PCDHGB5: variants seen among roughly 807,000 people sequenced by gnomAD.
PCDHGB5 encodes the protein protocadherin gamma-B5.
In PCDHGB5, 48 loss-of-function variants were observed where a neutral mutation model predicts 62.9. The observed-to-expected ratio is 0.76, with a 90% CI of 0.61 to 0.97. The LOEUF (loss-of-function observed/expected upper bound fraction) is 0.97, where lower values mean the gene tolerates loss of function less well. PCDHGB5 is among the 50% of genes least tolerant of loss of function. PCDHGB5 has a pLI of 0.00. For synonymous variants in PCDHGB5, 474 were observed against 511.2 expected, an observed-to-expected ratio of 0.93 and a Z score of 0.98; for missense variants, 1,118 against 1,198.6, an observed-to-expected ratio of 0.93 and a Z score of 0.99.
chr5:141,500,318 C>T (rs1005060282), intron 2 of PCDHGB5, among the ~76,000 whole-genome samples: 3 of 151,948 alleles, frequency 2.0e-5, no homozygotes, highest in African/African-American at 7.3e-5. Context: ...ACGCCATGCT[C>T]CTGCCTCAGC....
At chr5:141,408,636 C>A in intron 1 of PCDHGB5, 1 of 1,614,024 alleles carries the variant, frequency 6.2e-7, no homozygotes, top group Non-Finnish European at 8.5e-7. Flanking sequence ...ATTTTCGAAT[C>A]TGCATCCGCT....
chr5:141,486,017 A>C lies in PCDHGB5; in HGVS notation c.2398-8790A>C, dbSNP rs746747518. 1 of 1,614,176 alleles carries C rather than the reference A, an allele frequency of 6.2e-7. No homozygotes were observed. The highest frequency in any genetic ancestry group is 8.5e-7 in the Non-Finnish European group (1 of 1,180,038). ...CAGTGGTAACGTCACCTTTTATTTC[A>C]GTGGTCATACCCCTGATCGTGTAAG... On this transcript the variant is annotated intron_variant, in intron 1 of 3. Coordinates refer to ENST00000617380, the MANE Select transcript of PCDHGB5 (RefSeq NM_018925.3). This position sits in a 1 kb window ranked among gnomAD's most constrained non-coding sequence, Gnocchi z 5.0.
chr5:141,476,979 G>T lies in PCDHGB5; in HGVS notation c.2398-17828G>T. The T allele has an allele frequency of 1.2e-6, 2 of 1,614,238 alleles. No individual in the cohort carries two copies. The highest frequency in any genetic ancestry group is 1.7e-6 in the Non-Finnish European group (2 of 1,180,042). The stretch of plus-strand genomic sequence containing the variant: ...ATTTACTCCTTCGGCAGCCACAACC[G>T]CGCCGGCGTGCGGCAACTATTCGCC... On this transcript the variant is annotated intron_variant, in intron 1 of 3. Coordinates refer to ENST00000617380, the MANE Select transcript of PCDHGB5 (RefSeq NM_018925.3). This position sits in a 1 kb window ranked among gnomAD's most constrained non-coding sequence, Gnocchi z 7.6.
At chr5:141,405,169 CTT>C (rs1561698717) in intron 1 of PCDHGB5, 2 of 1,614,122 alleles carry the variant, frequency 1.2e-6, no homozygotes, top group Non-Finnish European at 1.7e-6. Flanking sequence ...CCACCTCACA[CTT>C]TGTGGGTGTA....
intron 2 of PCDHGB5, among the ~76,000 whole-genome samples, chr5:141,498,976 GGAAGGAAGGAAGGAA>G (rs1562186940): frequency 1.5e-4 from 2 of 13,010 alleles, no homozygotes; most frequent in Admixed American, 2.9e-3. Context: ...AGGGAGGGAA[GGAAGGAAGGAAGGAA>G]GGAAGGAAGG....
Position 141,491,797 on chromosome 5 carries a change from G to C in PCDHGB5, c.2398-3010G>C, listed in dbSNP as rs537755017. The C allele has an allele frequency of 7.9e-5, 119 of 1,506,700 alleles. No homozygotes were observed. In the Admixed American group the frequency reaches 1.4e-3, roughly 18 times the overall value. 93.3% of individuals were successfully genotyped at this position (1,506,700 alleles called of 1,614,324 possible). On this transcript the variant is annotated intron_variant, in intron 1 of 3. Coordinates refer to ENST00000617380, the MANE Select transcript of PCDHGB5 (RefSeq NM_018925.3). The surrounding 1 kb of genome is among the most constrained non-coding windows in gnomAD (Gnocchi z 6.9). The stretch of plus-strand genomic sequence containing the variant: ...ATTGAACTTGCATCCACTCCTCTCC[G>C]GCCGGCTTGGTCGCTGGCTGCGCTC...
chr5:141,428,111 C>G (rs760446304), intron 1 of PCDHGB5: 2 of 1,607,622 alleles, frequency 1.2e-6, no homozygotes, highest in Non-Finnish European at 1.7e-6. Context: ...TGCTGCAGGC[C>G]ATCGAGCCCG....
chr5:141,491,861 C>A lies in PCDHGB5; in HGVS notation c.2398-2946C>A. ...GGATCATTGGACCGTTTGCGCGAAA[C>A]CAGAGTGGCCGATTAAGGGATGGGG... On this transcript the variant is annotated intron_variant, in intron 1 of 3. Transcript: ENST00000617380. The surrounding 1 kb of genome is among the most constrained non-coding windows in gnomAD (Gnocchi z 6.9). 6.9e-7 allele frequency: 1 copy of A among 1,455,272 alleles called. No homozygotes were observed. The highest frequency in any genetic ancestry group is 9.1e-7 in the Non-Finnish European group (1 of 1,100,930). The allele number at this position is 1,455,272 out of a possible 1,614,324, so 90.1% of individuals were successfully genotyped here.
At chr5:141,507,785 C>T (rs1203302886) in intron 3 of PCDHGB5, among the ~76,000 whole-genome samples, 1 of 152,222 alleles carries the variant, frequency 6.6e-6, no homozygotes, top group African/African-American at 2.4e-5. Context: ...GCCTGACCCT[C>T]GTCTAAGCCT....
intron 1 of PCDHGB5, among the ~76,000 whole-genome samples, chr5:141,463,191 C>T (rs2099054821): frequency 6.6e-6 from 1 of 152,100 alleles, no homozygotes; most frequent in Non-Finnish European, 1.5e-5. Flanking sequence ...TATTATTTAG[C>T]CAAAGACTTG....
chr5:141,495,982 T>C (rs2099765062), intron 2 of PCDHGB5, among the ~76,000 whole-genome samples: 2 of 152,144 alleles, frequency 1.3e-5, no homozygotes. Context: ...TACTCTTTCT[T>C]TATCTCTCTT....
rs182682202 is a variant in PCDHGB5 at position 141,445,418 on chromosome 5, T to A, written c.2397+44894T>A. Among the ~76,000 whole-genome samples the A allele has an allele frequency of 2.2e-3, 335 of 152,310 alleles. 1 individual carries two copies. Among genetic ancestry groups the A allele is most frequent in the Middle Eastern group, 0.01 (3 of 294 alleles). Reference sequence around the variant, plus strand: ...ACAAATATTTATTAACTGTCTGCTATATGCAAGGCACTGACCTATGGACTA... The same window carrying A: ...ACAAATATTTATTAACTGTCTGCTAAATGCAAGGCACTGACCTATGGACTA... On this transcript the variant is annotated intron_variant, in intron 1 of 3. Transcript: ENST00000617380.
At chr5:141,460,488 T>C (rs1226287742) in intron 1 of PCDHGB5, among the ~76,000 whole-genome samples, 1 of 152,186 alleles carries the variant, frequency 6.6e-6, no homozygotes, top group Admixed American at 6.6e-5. Flanking sequence ...ATTGTCTCTT[T>C]GGAAAAATAT....
intron 1 of PCDHGB5, chr5:141,422,304 A>G: frequency 6.5e-7 from 1 of 1,548,524 alleles, no homozygotes; most frequent in Non-Finnish European, 8.7e-7. Context: ...CAATTCTGGA[A>G]AACTCTCCTC....
Position 141,477,818 on chromosome 5 carries a change from C to T in PCDHGB5, c.2398-16989C>T, listed in dbSNP as rs202009040. 33 of 1,614,040 alleles carry T rather than the reference C, an allele frequency of 2.0e-5. No homozygotes were observed. The highest frequency in any genetic ancestry group is 1.3e-4 in the Admixed American group (8 of 60,006). On this transcript the variant is annotated intron_variant, in intron 1 of 3. Transcript: ENST00000617380. This position sits in a 1 kb window ranked among gnomAD's most constrained non-coding sequence, Gnocchi z 4.9. ...TCGCAATGACAATGCCCCCCAGGTCCTATATCCTCGGCCAGGTGGGAGCTC... is the reference window on the plus strand; with the variant it reads ...TCGCAATGACAATGCCCCCCAGGTCTTATATCCTCGGCCAGGTGGGAGCTC...
chr5:141,400,229 T>C lies in PCDHGB5; in HGVS notation c.2102T>C (p.Leu701Pro), dbSNP rs370433551. ...ALALISVLFL[L>P]AVILAVALRL... ...GCCTTGATCTCAGTGCTCTTCCTCCTGGCCGTGATTCTGGCCGTTGCCTTG... is the reference window on the plus strand; with the variant it reads ...GCCTTGATCTCAGTGCTCTTCCTCCCGGCCGTGATTCTGGCCGTTGCCTTG... The change falls in exon 1 of 4, where the codon CTG (leucine) becomes CCG (proline). Residue 701 changes from leucine to proline, a missense_variant. Transcript: ENST00000617380. 3.1e-6 allele frequency: 5 copies of C among 1,613,872 alleles called. No individual in the cohort carries two copies. In the African/African-American group the frequency reaches 4.0e-5, roughly 13 times the overall value.
chr5:141,432,421 C>T lies in PCDHGB5; in HGVS notation c.2397+31897C>T, dbSNP rs771647620. 10 of 1,614,126 alleles carry T rather than the reference C, an allele frequency of 6.2e-6. No homozygotes were observed. In the African/African-American group the frequency reaches 1.2e-4, roughly 19 times the overall value. ...TGTCGTTGAGCCTGTTCGTGCTGGA[C>T]CAGAACGACAATGCGCCCGAGATCC... On this transcript the variant is annotated intron_variant, in intron 1 of 3. Transcript: ENST00000617380. This position sits in a 1 kb window ranked among gnomAD's most constrained non-coding sequence, Gnocchi z 6.0.
At chr5:141,422,463 C>T in intron 1 of PCDHGB5, 1 of 1,613,472 alleles carries the variant, frequency 6.2e-7, no homozygotes, top group African/African-American at 1.3e-5. Context: ...GAGTGCTGGA[C>T]AGGGAGTTGG....
intron 3 of PCDHGB5, among the ~76,000 whole-genome samples, chr5:141,509,574 G>T (rs554778751): frequency 6.6e-6 from 1 of 152,300 alleles, no homozygotes; most frequent in South Asian, 2.1e-4. Context: ...TTCACAGTGC[G>T]TACAAATCAG....
Sources: allele counts gnomAD v4.1 joint callset (sites outside exome capture counted in the v4.1 genomes callset), GRCh38; gene constraint gnomAD v4.1.1; non-coding constraint Gnocchi (gnomAD v3.1); transcripts MANE v1.5; gene names NCBI Gene and HGNC (gene_info 2026-07-23, HGNC 2026-07-21).